The following NARF variants were observed in gnomAD, a reference collection of about 807,000 sequenced individuals.
NARF encodes the protein iron-only hydrogenase-like protein 2.
In NARF, 41 loss-of-function variants were observed where a neutral mutation model predicts 48.0. The ratio of observed to expected loss-of-function variants is 0.85; its 90% CI spans 0.66 to 1.11. The LOEUF is 1.11. Ranked by LOEUF, NARF falls within the 50% of genes least tolerant of loss-of-function variation. The pLI is 0.00. For synonymous variants in NARF, 215 were observed against 225.5 expected (o/e 0.95, Z 0.42); for missense variants, 613 against 590.2 (o/e 1.04, Z -0.40).
intron 2 of NARF, among the ~76,000 whole-genome samples, chr17:82,461,317 A>G (rs2043432229): frequency 6.6e-6 from 1 of 151,850 alleles, no homozygotes; most frequent in Non-Finnish European, 1.5e-5. Flanking sequence ...GGCTCTCAAG[A>G]ATGTGATTTT....
chr17:82,485,012 G>T, intron 9 of NARF, 62 bp downstream of exon 9: 1 of 1,511,020 alleles, frequency 6.6e-7, no homozygotes. Flanking sequence ...TGGTGTGCCT[G>T]TATGGATCTG....
At chr17:82,481,760 C>G (rs2143941778) in intron 7 of NARF, 1 of 434,172 alleles carries the variant, frequency 2.3e-6, no homozygotes, top group South Asian at 1.7e-5. Context: ...AAATCAGGTC[C>G]TGGGAGAACC....
chr17:82,485,012 G>A (rs1599855633), intron 9 of NARF, 62 bp downstream of exon 9: 1 of 1,511,020 alleles, frequency 6.6e-7, no homozygotes, highest in East Asian at 2.4e-5. Flanking sequence ...TGGTGTGCCT[G>A]TATGGATCTG....
chr17:82,487,017 C>T lies in NARF; in HGVS notation c.1130-899C>T, dbSNP rs544604262. ...GCCCAGCACACTAACACGTGTGGTGCAGGCAGGAGTGGTTTAACTGCTTGT... is the reference window on the plus strand; with the variant it reads ...GCCCAGCACACTAACACGTGTGGTGTAGGCAGGAGTGGTTTAACTGCTTGT... On this transcript the variant is annotated intron_variant, in intron 10 of 10. Coordinates refer to ENST00000309794, the MANE Select transcript of NARF (RefSeq NM_012336.4). Among the ~76,000 whole-genome samples the T allele has an allele frequency of 7.2e-5, 11 of 152,326 alleles. 1 individual carries two copies. The South Asian group carries it at 2.1e-3, about 29-fold the overall frequency.
chr17:82,469,412 A>G (rs2043645792), intron 4 of NARF, among the ~76,000 whole-genome samples: 1 of 152,204 alleles, frequency 6.6e-6, no homozygotes, highest in African/African-American at 2.4e-5. Flanking sequence ...CTGGAATAGT[A>G]CTACCTGAAA....
rs781147467 is a variant in NARF at position 82,464,379 on chromosome 17, A to G, written c.201A>G (p.Gln67=). The G allele has an allele frequency of 2.0e-5, 32 of 1,613,960 alleles. No homozygotes were observed. Among genetic ancestry groups the G allele is most frequent in the South Asian group, 1.1e-4 (10 of 91,072 alleles). Reference sequence around the variant, plus strand: ...GTATGACTGCAGAGGAAGGAGTCCAACTTTCCCAGCAAAATGCCAAGGACT... The same window carrying G: ...GTATGACTGCAGAGGAAGGAGTCCAGCTTTCCCAGCAAAATGCCAAGGACT... The part of the protein sequence containing the change: ...DSCMTAEEGV[Q]LSQQNAKDFF... The change falls in exon 3 of 11, where the codon CAA becomes CAG. Residue 67 remains glutamine (Q), a synonymous_variant. Coordinates refer to ENST00000309794, the MANE Select transcript of NARF (RefSeq NM_012336.4).
In NARF at chr17:82,464,796, G is replaced by A. The variant is rs148870403; in HGVS notation, c.252+366G>A. ...GCCTCGGCTGCACGTTTTCGGACAC[G>A]AGAGTTATGTTCTAATAGACCGATC... On this transcript the variant is annotated intron_variant, in intron 3 of 10. Transcript: ENST00000309794. Among the ~76,000 whole-genome samples the A allele has an allele frequency of 1.4e-4, 22 of 152,294 alleles. No individual in the cohort carries two copies. The East Asian group carries it at 3.9e-3, about 27-fold the overall frequency.
At chr17:82,482,115 C>T (rs1200314615) in intron 7 of NARF, 1 of 292,286 alleles carries the variant, frequency 3.4e-6, no homozygotes, top group African/African-American at 2.3e-5. Flanking sequence ...TGTTAAAATT[C>T]TGGCGGAACT....
chr17:82,476,784 G>A (rs1158739634), intron 5 of NARF: 1 of 152,492 alleles, frequency 6.6e-6, no homozygotes, highest in Non-Finnish European at 1.5e-5. Flanking sequence ...AGGCTAGAGT[G>A]CAATAGCGAG....
intron 3 of NARF, 100 bp downstream of exon 3, chr17:82,464,530 A>G (rs2043515218): frequency 1.4e-6 from 2 of 1,408,100 alleles, no homozygotes; most frequent in Admixed American, 2.5e-5. Flanking sequence ...GGGACATCGG[A>G]TGCACATCTC....
At chr17:82,471,791 C>CAAAAAAAAAAAAAAAAAAAAAAAAA (rs58302009) in intron 4 of NARF, among the ~76,000 whole-genome samples, 5 of 64,574 alleles carry the variant, frequency 7.7e-5, no homozygotes, top group Non-Finnish European at 1.2e-4. Context: ...GACTCCGTCT[C>CAAAAAAAAAAAAAAAAAAAAAAAAA]AAAAAAAAAA....
At chr17:82,479,045 T>C (rs560166840) in intron 6 of NARF, 127 bp downstream of exon 6, 81 of 788,718 alleles carry the variant, frequency 1.0e-4, no homozygotes, top group Non-Finnish European at 1.6e-4. Context: ...AAAAGGAAGC[T>C]GTGGCTTCAG....
intron 3 of NARF, among the ~76,000 whole-genome samples, chr17:82,466,219 C>T (rs1036861700): frequency 6.6e-6 from 1 of 152,152 alleles, no homozygotes; most frequent in Non-Finnish European, 1.5e-5. Context: ...TTATGCTTCC[C>T]TAAGTGATAG....
Position 82,484,969 on chromosome 17 carries a change from A to C in NARF, c.971+19A>C. ...CCCTGAGGTGTGGGGCAGTATCCAC[A>C]GCCTGTCTGTGCCTGTGGTTAGCAC... On this transcript the variant is annotated intron_variant, in intron 9 of 10. Transcript: ENST00000309794. The C allele has an allele frequency of 6.3e-7, 1 of 1,586,340 alleles. No homozygotes were observed. Among genetic ancestry groups the C allele is most frequent in the Non-Finnish European group, 8.6e-7 (1 of 1,165,366 alleles).
At chr17:82,478,112 T>C (rs2043875699) in intron 5 of NARF, among the ~76,000 whole-genome samples, 1 of 152,164 alleles carries the variant, frequency 6.6e-6, no homozygotes, top group Non-Finnish European at 1.5e-5. Flanking sequence ...GTGATGTTCT[T>C]ATGCACTCTG....
At chr17:82,458,700 C>T, upstream of NARF, 2 of 1,381,456 alleles carry the variant, frequency 1.4e-6, no homozygotes, top group Non-Finnish European at 1.9e-6. Context: ...GAGGCCGCGT[C>T]GGGGGAGGAC....
At chr17:82,479,139 T>C in intron 6 of NARF, 1 of 414,100 alleles carries the variant, frequency 2.4e-6, no homozygotes, top group South Asian at 3.2e-5. Context: ...TTCTTAACCT[T>C]TTCTGTGGCA....
At chr17:82,469,067 G>A (rs987653723) in intron 4 of NARF, among the ~76,000 whole-genome samples, 171 bp downstream of exon 4, 1 of 152,168 alleles carries the variant, frequency 6.6e-6, no homozygotes, top group Non-Finnish European at 1.5e-5. Context: ...GCCTCTGATC[G>A]ATGGTAGACG....
chr17:82,485,512 A>G lies in NARF; in HGVS notation c.987A>G (p.Gln329=). ...CATTTTGTAGAAACAAAGACTTCCA[A>G]GAGGTCACCCTTGAGAAGAACGGAG... ...TYRALRNKDF[Q]EVTLEKNGEV... is the part of the protein sequence containing the mutation. Residue 329 remains glutamine, a synonymous_variant, in exon 10 of 11, where the codon CAA becomes CAG. Coordinates refer to ENST00000309794, the MANE Select transcript of NARF (RefSeq NM_012336.4). 2 of 1,614,222 alleles carry G rather than the reference A, an allele frequency of 1.2e-6. No individual in the cohort carries two copies.
Sources: gnomAD v4.1 joint callset for allele counts (sites outside exome capture counted in the v4.1 genomes callset) on GRCh38, gnomAD v4.1.1 for gene constraint, MANE v1.5 for transcripts, NCBI Gene and HGNC (gene_info 2026-07-23, HGNC 2026-07-21) for gene names.